The following GRXCR1 variants were observed in gnomAD, a reference collection of about 807,000 sequenced individuals.
GRXCR1 encodes the protein glutaredoxin and cysteine rich domain containing 1.
In GRXCR1, 27 loss-of-function variants were observed where a neutral mutation model predicts 27.3. The observed-to-expected ratio is 0.99, with a 90% CI of 0.73 to 1.37. The LOEUF is 1.37. Ranked by LOEUF, GRXCR1 falls within the 40% of genes most tolerant of loss-of-function variation. The pLI, the probability that GRXCR1 is intolerant of heterozygous loss-of-function variation, is 0.00. For synonymous variants in GRXCR1, 122 were observed against 131.1 expected, an observed-to-expected ratio of 0.93 and a Z score of 0.47; for missense variants, 379 against 354.4, an observed-to-expected ratio of 1.07 and a Z score of -0.56.
intron 1 of GRXCR1, among the ~76,000 whole-genome samples, chr4:42,911,832 A>T (rs1024977765): frequency 6.6e-6 from 1 of 152,190 alleles, no homozygotes; most frequent in Non-Finnish European, 1.5e-5. Context: ...CCTGGCATAT[A>T]ACACTTCTGT....
At chr4:42,971,528 G>A (rs552290898) in intron 2 of GRXCR1, among the ~76,000 whole-genome samples, 2 of 152,194 alleles carry the variant, frequency 1.3e-5, no homozygotes, top group South Asian at 4.1e-4. Context: ...GGGAAAGCAA[G>A]CATGTCTTTA....
chr4:42,959,616 ACT>A (rs144728128), intron 1 of GRXCR1, among the ~76,000 whole-genome samples: 2,274 of 152,060 alleles, frequency 0.015, 38 homozygotes, highest in East Asian at 0.062. Flanking sequence ...TAATTATTTA[ACT>A]CTGTATATCA....
intron 2 of GRXCR1, among the ~76,000 whole-genome samples, chr4:42,977,251 C>T (rs978483397): frequency 6.6e-6 from 1 of 151,974 alleles, no homozygotes; most frequent in African/African-American, 2.4e-5. Context: ...TGTATGTTGA[C>T]TGTTATGAAT....
chr4:42,893,119 C>T lies in GRXCR1; in HGVS notation c.-148C>T, dbSNP rs1337946764. On this transcript the variant is annotated 5_prime_UTR_variant, in exon 1 of 4. Coordinates refer to ENST00000399770, the MANE Select transcript of GRXCR1 (RefSeq NM_001080476.3). The stretch of plus-strand genomic sequence containing the variant: ...TAATAGCAGAGACACACTGTAAGTC[C>T]TTGGGAATCTTCTTTCCTTTTGATG... 1 of 864,060 alleles carries T rather than the reference C, an allele frequency of 1.2e-6. No individual in the cohort carries two copies. Among genetic ancestry groups the T allele is most frequent in the Non-Finnish European group, 1.9e-6 (1 of 513,696 alleles). The allele number at this position is 864,060 out of a possible 1,614,324, so 53.5% of individuals were successfully genotyped here. A position where few individuals can be genotyped will look rare whatever the true frequency, so the allele number is the denominator to read the frequency against.
In GRXCR1 at chr4:42,983,794, G is replaced by T. The variant is rs796452235; in HGVS notation, c.627+20660G>T. On this transcript the variant is annotated intron_variant, in intron 2 of 3. Coordinates refer to ENST00000399770, the MANE Select transcript of GRXCR1 (RefSeq NM_001080476.3). Reference sequence around the variant, plus strand: ...CTTTTTTCTTTTTTCTCCTCTAAGTGTATATTTTCAAGTAACCTGTCTTTA... The same window carrying T: ...CTTTTTTCTTTTTTCTCCTCTAAGTTTATATTTTCAAGTAACCTGTCTTTA... Among the ~76,000 whole-genome samples, 9 of 147,234 alleles carry T rather than the reference G, an allele frequency of 6.1e-5. No homozygotes were observed. The South Asian group carries it at 8.6e-4, about 14-fold the overall frequency.
intron 1 of GRXCR1, among the ~76,000 whole-genome samples, chr4:42,914,552 T>C (rs1346692209): frequency 6.6e-6 from 1 of 152,212 alleles, no homozygotes; most frequent in Non-Finnish European, 1.5e-5. Flanking sequence ...TACAGGCTCA[T>C]AGGTGAAAGG....
At position 42,903,276 on chromosome 4, in the gene GRXCR1, C is replaced by T. The variant is rs573528411; in HGVS notation, c.384+9626C>T. ...CCTCTCTTTCTAACTACACAGAAAA[C>T]CAAATAAAAAATTTGGGCCACAGCT... On this transcript the variant is annotated intron_variant, in intron 1 of 3. Coordinates refer to ENST00000399770, the MANE Select transcript of GRXCR1 (RefSeq NM_001080476.3). Among the ~76,000 whole-genome samples the T allele has an allele frequency of 6.3e-4, 89 of 140,998 alleles. 3 individuals carry two copies. The highest frequency in any genetic ancestry group is 2.2e-3 in the African/African-American group (85 of 39,178). 92.5% of individuals were successfully genotyped at this position (140,998 alleles called of 152,430 possible). A position where few individuals can be genotyped will look rare whatever the true frequency, so the allele number is the denominator to read the frequency against.
At chr4:42,970,881 AT>A (rs1487577316) in intron 2 of GRXCR1, among the ~76,000 whole-genome samples, 6 of 152,124 alleles carry the variant, frequency 3.9e-5, no homozygotes, top group African/African-American at 1.4e-4. Context: ...ATTTTTCCAA[AT>A]TGTTATGCTC....
chr4:43,025,598 C>T (rs1322825784), intron 3 of GRXCR1, among the ~76,000 whole-genome samples: 1 of 152,226 alleles, frequency 6.6e-6, no homozygotes, highest in Non-Finnish European at 1.5e-5. Flanking sequence ...ATTCAGTACT[C>T]TGTGTGCTAT....
At chr4:43,030,319 C>T in intron 3 of GRXCR1, 42 bp from the exon 4 acceptor site, 1 of 1,585,716 alleles carries the variant, frequency 6.3e-7, no homozygotes. Context: ...TTCATGCTAA[C>T]ACATCCTCTG....
At chr4:42,967,005 T>G (rs577290096) in intron 2 of GRXCR1, among the ~76,000 whole-genome samples, 1 of 152,202 alleles carries the variant, frequency 6.6e-6, no homozygotes, top group East Asian at 1.9e-4. Context: ...CTTTTCGTTC[T>G]CTTGACAATG....
At chr4:42,972,001 A>G (rs1301672954) in intron 2 of GRXCR1, among the ~76,000 whole-genome samples, 1 of 152,090 alleles carries the variant, frequency 6.6e-6, no homozygotes. Context: ...AGCTCAAGCG[A>G]TCTCCCCACC....
chr4:42,893,720 C>A, intron 1 of GRXCR1, 70 bp downstream of exon 1: 1 of 1,453,856 alleles, frequency 6.9e-7, no homozygotes, highest in Non-Finnish European at 9.6e-7. Context: ...CTCAGTTCTC[C>A]AGTTAAAGCA....
At chr4:42,996,340 A>C (rs1002903074) in intron 2 of GRXCR1, among the ~76,000 whole-genome samples, 1 of 152,156 alleles carries the variant, frequency 6.6e-6, no homozygotes, top group Non-Finnish European at 1.5e-5. Context: ...TTATGGCAGG[A>C]TAGAAATAGC....
In GRXCR1 at chr4:42,905,862, A is replaced by G. The variant is rs188690330; in HGVS notation, c.384+12212A>G. Among the ~76,000 whole-genome samples the G allele has an allele frequency of 4.9e-3, 742 of 152,296 alleles. 5 individuals are homozygous for G. The highest frequency in any genetic ancestry group is 0.017 in the African/African-American group (690 of 41,574). On this transcript the variant is annotated intron_variant, in intron 1 of 3. Transcript: ENST00000399770. Reference sequence around the variant, plus strand: ...CATTGCCTCCTAGGTAGAAGATAGCATGGGAGGATGGGGTTGGAAATAGCT... The same window carrying G: ...CATTGCCTCCTAGGTAGAAGATAGCGTGGGAGGATGGGGTTGGAAATAGCT...
chr4:42,939,773 A>G (rs1747567141), intron 1 of GRXCR1, among the ~76,000 whole-genome samples: 1 of 152,046 alleles, frequency 6.6e-6, no homozygotes, highest in African/African-American at 2.4e-5. Flanking sequence ...CCATTATATT[A>G]TGATTACATC....
At chr4:42,903,834 T>C (rs551648958) in intron 1 of GRXCR1, among the ~76,000 whole-genome samples, 1 of 127,902 alleles carries the variant, frequency 7.8e-6, no homozygotes, top group Non-Finnish European at 1.7e-5. Flanking sequence ...CAAAAGGCCT[T>C]GGTGGTGAGA....
intron 1 of GRXCR1, among the ~76,000 whole-genome samples, chr4:42,959,274 A>G (rs113986771): frequency 2.8e-4 from 43 of 152,088 alleles, no homozygotes; most frequent in African/African-American, 1.0e-3. Context: ...ATTTGTGATA[A>G]CATAGATGAA....
intron 2 of GRXCR1, among the ~76,000 whole-genome samples, chr4:42,992,973 C>CT (rs759045212): frequency 6.6e-6 from 1 of 152,020 alleles, no homozygotes; most frequent in African/African-American, 2.4e-5. Flanking sequence ...TTTCTGAAGG[C>CT]TTTTTCCCCC....
Sources: gnomAD v4.1 joint callset for allele counts (sites outside exome capture counted in the v4.1 genomes callset) on GRCh38, gnomAD v4.1.1 for gene constraint, MANE v1.5 for transcripts, NCBI Gene and HGNC (gene_info 2026-07-23, HGNC 2026-07-21) for gene names.